SUGCT: variants seen among roughly 807,000 people sequenced by gnomAD.
SUGCT encodes the protein succinyl-CoA:glutarate CoA-transferase.
In SUGCT, 41 loss-of-function variants were observed where a neutral mutation model predicts 55.0. The observed-to-expected ratio is 0.74, with a 90% confidence interval of 0.58 to 0.97. The LOEUF is 0.97. Ranked by LOEUF, SUGCT falls within the 50% of genes least tolerant of loss-of-function variation. SUGCT has a pLI of 0.00. For synonymous variants in SUGCT, 187 were observed against 200.4 expected (o/e 0.93, Z 0.56); for missense variants, 568 against 547.8 (o/e 1.04, Z -0.37).
intron 8 of SUGCT, among the ~76,000 whole-genome samples, chr7:40,314,595 G>A (rs980084340): frequency 8.1e-5 from 10 of 123,656 alleles, no homozygotes; most frequent in African/African-American, 1.9e-4. Context: ...ACAGAGTTTC[G>A]CTCTCGTTGC....
chr7:40,388,006 G>A (rs1026328599), intron 9 of SUGCT: 3 of 152,232 alleles, frequency 2.0e-5, no homozygotes, highest in South Asian at 2.1e-4. Context: ...CAAATGTGGG[G>A]CAGAGAGACG....
chr7:40,945,115 G>A, the SUGCT span, among the ~76,000 whole-genome samples: 1 of 152,074 alleles, frequency 6.6e-6, no homozygotes, highest in Non-Finnish European at 1.5e-5. Context: ...ACAAGCTGTG[G>A]CTAAAACAGG....
chr7:40,728,317 G>A (rs1297919857), intron 12 of SUGCT, among the ~76,000 whole-genome samples: 2 of 151,990 alleles, frequency 1.3e-5, no homozygotes, highest in African/African-American at 2.4e-5. Flanking sequence ...TCAGGAGTTC[G>A]AGACCAGCCT....
intron 12 of SUGCT, among the ~76,000 whole-genome samples, chr7:40,502,246 A>C (rs935566348): frequency 3.3e-5 from 5 of 152,152 alleles, no homozygotes; most frequent in Non-Finnish European, 7.4e-5. Flanking sequence ...TATATAGTAC[A>C]ATCATTGACT....
chr7:40,373,479 G>A (rs1468715591), intron 9 of SUGCT, among the ~76,000 whole-genome samples: 2 of 151,572 alleles, frequency 1.3e-5, no homozygotes, highest in African/African-American at 4.8e-5. Flanking sequence ...AATTAATAGT[G>A]CCCTCATAAT....
At chr7:40,217,012 C>T (rs895590632) in intron 6 of SUGCT, among the ~76,000 whole-genome samples, 1 of 151,918 alleles carries the variant, frequency 6.6e-6, no homozygotes. Flanking sequence ...TGGCATTTCC[C>T]CCCCCTCAGT....
chr7:40,985,840 T>C, the SUGCT span, among the ~76,000 whole-genome samples: 20 of 152,308 alleles, frequency 1.3e-4, no homozygotes, highest in Non-Finnish European at 2.6e-4. Flanking sequence ...GCAGCCCTTC[T>C]GGATAGTAAA....
intron 11 of SUGCT, among the ~76,000 whole-genome samples, chr7:40,488,513 C>T (rs923842353): frequency 6.6e-6 from 1 of 152,084 alleles, no homozygotes; most frequent in Admixed American, 6.6e-5. Flanking sequence ...AATTTACACA[C>T]CATCATTACC....
chr7:40,602,035 T>C (rs560063801), intron 12 of SUGCT, among the ~76,000 whole-genome samples: 1 of 152,328 alleles, frequency 6.6e-6, no homozygotes, highest in East Asian at 1.9e-4. Context: ...GACCTCTTCA[T>C]ATAACAATAC....
At chr7:41,016,435 C>T in the SUGCT span, among the ~76,000 whole-genome samples, 1 of 152,112 alleles carries the variant, frequency 6.6e-6, no homozygotes, top group African/African-American at 2.4e-5. Context: ...CCATAGATTC[C>T]TGTTTCCCTG....
At chr7:40,178,214 T>C (rs916256457) in intron 1 of SUGCT, among the ~76,000 whole-genome samples, 3 of 152,210 alleles carry the variant, frequency 2.0e-5, no homozygotes, top group African/African-American at 7.2e-5. Context: ...TTCCATTTCC[T>C]ACAGTGTTTC....
At chr7:40,772,501 TC>T (rs1562993839) in intron 13 of SUGCT, among the ~76,000 whole-genome samples, 23 of 39,658 alleles carry the variant, frequency 5.8e-4, no homozygotes, top group Non-Finnish European at 7.1e-4. Flanking sequence ...GAAATATCTA[TC>T]TATCTATCTA....
At chr7:40,366,578 A>T (rs866064463) in intron 9 of SUGCT, among the ~76,000 whole-genome samples, 5 of 152,174 alleles carry the variant, frequency 3.3e-5, no homozygotes, top group Non-Finnish European at 5.9e-5. Flanking sequence ...GAAAAAAACA[A>T]ACAATCCCAT....
At chr7:40,405,118 C>A (rs2151328935) in intron 9 of SUGCT, among the ~76,000 whole-genome samples, 1 of 152,284 alleles carries the variant, frequency 6.6e-6, no homozygotes, top group South Asian at 2.1e-4. Flanking sequence ...CCTCACCTGG[C>A]AGATACCCCT....
At chr7:40,284,773 CTGT>C (rs1340846895) in intron 8 of SUGCT, among the ~76,000 whole-genome samples, 1 of 151,868 alleles carries the variant, frequency 6.6e-6, no homozygotes, top group African/African-American at 2.4e-5. Context: ...AAAAAAGGAT[CTGT>C]TGTTAAGATG....
At chr7:40,750,953 C>A (rs1468994418) in intron 13 of SUGCT, among the ~76,000 whole-genome samples, 1 of 152,152 alleles carries the variant, frequency 6.6e-6, no homozygotes, top group Non-Finnish European at 1.5e-5. Flanking sequence ...GACAACTTCA[C>A]CCCTGGCCAC....
chr7:40,981,244 C>CT, the SUGCT span, among the ~76,000 whole-genome samples: 3 of 152,108 alleles, frequency 2.0e-5, no homozygotes, highest in African/African-American at 7.2e-5. Flanking sequence ...CTCTGGGGTC[C>CT]TTTTTTCCTT....
intron 3 of SUGCT, among the ~76,000 whole-genome samples, chr7:40,186,155 TTTCC>T (rs1785495354): frequency 1.4e-5 from 2 of 143,668 alleles, no homozygotes; most frequent in African/African-American, 2.8e-5. Flanking sequence ...CTCTCCTTCT[TTTCC>T]TTCCTTCCTT....
chr7:40,894,819 T>C, the SUGCT span, among the ~76,000 whole-genome samples: 3 of 152,166 alleles, frequency 2.0e-5, no homozygotes, highest in Non-Finnish European at 4.4e-5. Flanking sequence ...TAACAGATGC[T>C]GGTGAGGTTT....
Sources: gnomAD v4.1 joint callset for allele counts (sites outside exome capture counted in the v4.1 genomes callset) on GRCh38, gnomAD v4.1.1 for gene constraint, MANE v1.5 for transcripts, NCBI Gene and HGNC (gene_info 2026-07-23, HGNC 2026-07-21) for gene names.